The following NELL1 variants were observed in gnomAD, a reference collection of about 807,000 sequenced individuals.
NELL1 encodes protein kinase C-binding protein NELL1.
A neutral mutation model predicts 107.4 loss-of-function variants in NELL1; 76 were observed. The ratio of observed to expected loss-of-function variants is 0.71; its 90% CI spans 0.59 to 0.86. The LOEUF is 0.86. Ranked by LOEUF, NELL1 falls within the 40% of genes least tolerant of loss-of-function variation. The pLI is 0.00. For synonymous variants in NELL1, 353 were observed against 341.2 expected (o/e 1.03, Z -0.38); for missense variants, 1,024 against 1,005.5 (o/e 1.02, Z -0.25).
At chr11:20,975,689 A>AATGTATGTATTATATAATATACATATT (rs1851596430) in intron 12 of NELL1, among the ~76,000 whole-genome samples, 1 of 98,542 alleles carries the variant, frequency 1.0e-5, no homozygotes, top group African/African-American at 4.5e-5. Context: ...TGTATTATAT[A>AATGTATGTATTATATAATATACATATT]ATGTATGTAT....
intron 14 of NELL1, among the ~76,000 whole-genome samples, chr11:21,288,094 G>A (rs1265043661): frequency 6.6e-6 from 1 of 150,888 alleles, no homozygotes; most frequent in African/African-American, 2.4e-5. Context: ...GGAAAAAAGA[G>A]GGAAGGAAAG....
At chr11:20,990,104 G>A (rs1269671699) in intron 12 of NELL1, among the ~76,000 whole-genome samples, 1 of 152,104 alleles carries the variant, frequency 6.6e-6, no homozygotes, top group Non-Finnish European at 1.5e-5. Context: ...TTTGGCCTGA[G>A]GGCTTGCAAT....
chr11:20,670,199 AC>A (rs1459921372), intron 1 of NELL1, among the ~76,000 whole-genome samples: 24 of 151,916 alleles, frequency 1.6e-4, no homozygotes, highest in African/African-American at 5.3e-4. Context: ...CGGGAGTCGC[AC>A]CCGCAGAGGG....
At chr11:21,375,986 A>G (rs1379587307) in intron 15 of NELL1, among the ~76,000 whole-genome samples, 1 of 152,054 alleles carries the variant, frequency 6.6e-6, no homozygotes, top group Non-Finnish European at 1.5e-5. Context: ...ATTTTCTCCC[A>G]TTCTGTAGGT....
chr11:20,792,936 T>C (rs531064568), intron 3 of NELL1, among the ~76,000 whole-genome samples: 155 of 152,130 alleles, frequency 1.0e-3, no homozygotes, highest in African/African-American at 3.7e-3. Context: ...GCTTTTTGAA[T>C]TTTTTATGTG....
intron 15 of NELL1, among the ~76,000 whole-genome samples, chr11:21,393,632 G>A (rs1851925418): frequency 6.6e-6 from 1 of 151,688 alleles, no homozygotes; most frequent in Non-Finnish European, 1.5e-5. Context: ...TAAAAAGACA[G>A]GAAAGCATTG....
chr11:21,239,001 CT>C (rs1858279764), intron 14 of NELL1, among the ~76,000 whole-genome samples: 1 of 152,106 alleles, frequency 6.6e-6, no homozygotes, highest in African/African-American at 2.4e-5. Flanking sequence ...AGGGTAGTTA[CT>C]TCACGTGACT....
intron 15 of NELL1, among the ~76,000 whole-genome samples, chr11:21,427,732 G>A (rs1022764301): frequency 6.6e-6 from 1 of 152,066 alleles, no homozygotes; most frequent in Non-Finnish European, 1.5e-5. Context: ...ACACAAAAAT[G>A]TTGGTTTCTT....
intron 13 of NELL1, among the ~76,000 whole-genome samples, chr11:21,221,016 G>A (rs1373435106): frequency 2.0e-5 from 3 of 152,046 alleles, no homozygotes; most frequent in Non-Finnish European, 4.4e-5. Flanking sequence ...TTGCCTATAT[G>A]GTCTTTATTG....
At chr11:20,874,008 T>A (rs1369989526) in intron 4 of NELL1, among the ~76,000 whole-genome samples, 1 of 152,038 alleles carries the variant, frequency 6.6e-6, no homozygotes, top group Non-Finnish European at 1.5e-5. Context: ...CGAGCAATCC[T>A]CCCTCCTTGG....
chr11:21,423,890 G>T, intron 15 of NELL1, among the ~76,000 whole-genome samples: 1 of 152,140 alleles, frequency 6.6e-6, no homozygotes, highest in South Asian at 2.1e-4. Context: ...GATCAAGGAA[G>T]AAATCACAAG....
intron 12 of NELL1, among the ~76,000 whole-genome samples, chr11:21,101,491 C>T (rs955240925): frequency 3.9e-5 from 6 of 152,192 alleles, no homozygotes; most frequent in African/African-American, 9.6e-5. Flanking sequence ...CACATCCTCT[C>T]CAGCACCTGT....
At chr11:21,549,840 GGAA>G (rs139148826) in intron 16 of NELL1, among the ~76,000 whole-genome samples, 20,354 of 151,740 alleles carry the variant, frequency 0.13, 1,442 homozygotes, top group Middle Eastern at 0.18. Flanking sequence ...ATTGCAATAG[GGAA>G]GAGGGCCCAA....
intron 13 of NELL1, among the ~76,000 whole-genome samples, chr11:21,195,306 G>A (rs1670644): frequency 0.64 from 96,666 of 152,006 alleles, 35,056 homozygotes; most frequent in Non-Finnish European, 0.81. Context: ...TAATCATAAA[G>A]GAGTCTCTTC....
At chr11:20,805,136 T>A (rs1031660298) in intron 3 of NELL1, among the ~76,000 whole-genome samples, 1 of 152,216 alleles carries the variant, frequency 6.6e-6, no homozygotes, top group Admixed American at 6.5e-5. Flanking sequence ...CTTTTTCCAT[T>A]CCTTTATTTT....
chr11:21,203,729 A>T (rs1329478045), intron 13 of NELL1, among the ~76,000 whole-genome samples: 1 of 152,024 alleles, frequency 6.6e-6, no homozygotes, highest in Admixed American at 6.5e-5. Flanking sequence ...ACAATTTGAT[A>T]TGTTTTTGCA....
chr11:20,782,212 CTT>C (rs1370653484), intron 2 of NELL1, among the ~76,000 whole-genome samples: 2 of 152,150 alleles, frequency 1.3e-5, no homozygotes, highest in African/African-American at 4.8e-5. Flanking sequence ...GATGCTATCT[CTT>C]TTCTCAACAC....
chr11:21,146,874 T>C (rs1855992986), intron 13 of NELL1, among the ~76,000 whole-genome samples: 1 of 152,116 alleles, frequency 6.6e-6, no homozygotes, highest in Non-Finnish European at 1.5e-5. Context: ...TGAAACCCTG[T>C]CTCTGCTAAA....
intron 3 of NELL1, among the ~76,000 whole-genome samples, chr11:20,787,187 TCC>T (rs1011462283): frequency 2.6e-5 from 4 of 151,806 alleles, no homozygotes; most frequent in African/African-American, 9.7e-5. Flanking sequence ...GATGCCCTGT[TCC>T]ATGTGTGTGT....
Sources: allele counts gnomAD v4.1 joint callset (sites outside exome capture counted in the v4.1 genomes callset), GRCh38; gene constraint gnomAD v4.1.1; transcripts MANE v1.5; gene names NCBI Gene and HGNC (gene_info 2026-07-23, HGNC 2026-07-21).